The following EHBP1 variants were observed in gnomAD, a reference collection of about 807,000 sequenced individuals.
EHBP1 encodes the protein EH domain binding protein 1, also known as EH domain-binding protein 1.
A neutral mutation model predicts 144.0 loss-of-function variants in EHBP1; 55 were observed. The observed-to-expected ratio is 0.38, with a 90% CI of 0.31 to 0.48. The LOEUF is 0.48. EHBP1 is among the 20% of genes least tolerant of loss of function. The pLI, the probability that EHBP1 is intolerant of heterozygous loss-of-function variation, is 0.98. For synonymous variants in EHBP1, 469 were observed against 472.7 expected, an observed-to-expected ratio of 0.99 and a Z score of 0.10; for missense variants, 1,200 against 1,364.2, an observed-to-expected ratio of 0.88 and a Z score of 1.90.
At chr2:63,038,976 T>G (rs2061552890) in intron 21 of EHBP1, among the ~76,000 whole-genome samples, 160 bp downstream of exon 21, 1 of 152,182 alleles carries the variant, frequency 6.6e-6, no homozygotes, top group Non-Finnish European at 1.5e-5. Flanking sequence ...CCATATAAAC[T>G]TAAGGACCCT....
intron 2 of EHBP1, among the ~76,000 whole-genome samples, chr2:62,726,454 T>C (rs1021596929): frequency 3.3e-5 from 5 of 152,240 alleles, no homozygotes; most frequent in African/African-American, 1.2e-4. Context: ...TCCCTCTTTC[T>C]GCTCTCAGTA....
At chr2:62,722,384 A>G (rs1042316210) in intron 2 of EHBP1, among the ~76,000 whole-genome samples, 2 of 152,006 alleles carry the variant, frequency 1.3e-5, no homozygotes, top group African/African-American at 4.8e-5. Flanking sequence ...TGGCCTCCCA[A>G]AATGGTGGGA....
intron 10 of EHBP1, among the ~76,000 whole-genome samples, chr2:62,930,920 C>T (rs1041778852): frequency 6.6e-6 from 1 of 152,120 alleles, no homozygotes; most frequent in Non-Finnish European, 1.5e-5. Flanking sequence ...GACCATAAAT[C>T]TCTTAGAATA....
At chr2:62,918,072 T>A (rs1184048792) in intron 10 of EHBP1, among the ~76,000 whole-genome samples, 2 of 152,146 alleles carry the variant, frequency 1.3e-5, no homozygotes, top group Non-Finnish European at 2.9e-5. Flanking sequence ...AATTTTTCTA[T>A]TTTTAGTAGA....
At chr2:62,996,865 C>T (rs2059650165) in intron 19 of EHBP1, 99 bp downstream of exon 19, 3 of 1,512,024 alleles carry the variant, frequency 2.0e-6, no homozygotes, top group Admixed American at 4.7e-5. Context: ...CCTGAATGTT[C>T]AGCAAAACTG....
chr2:62,790,257 A>G (rs1258437434), intron 5 of EHBP1, among the ~76,000 whole-genome samples: 3 of 152,232 alleles, frequency 2.0e-5, no homozygotes, highest in Non-Finnish European at 4.4e-5. Flanking sequence ...ACGTCAAAAT[A>G]CAGTTCTGGG....
chr2:62,909,272 A>T (rs2054021226), intron 10 of EHBP1, among the ~76,000 whole-genome samples: 1 of 151,710 alleles, frequency 6.6e-6, no homozygotes, highest in Admixed American at 6.6e-5. Flanking sequence ...TCCACCTCCC[A>T]GGCTCTCAAG....
upstream of EHBP1, among the ~76,000 whole-genome samples, chr2:62,705,280 T>C (rs1166395429): frequency 4.6e-5 from 7 of 152,024 alleles, no homozygotes; most frequent in Non-Finnish European, 1.0e-4. Context: ...GCAGCTGCAC[T>C]GCCCACAGCT....
intron 10 of EHBP1, among the ~76,000 whole-genome samples, chr2:62,890,444 G>A (rs1017705797): frequency 1.3e-5 from 2 of 151,976 alleles, no homozygotes; most frequent in African/African-American, 4.8e-5. Flanking sequence ...CTCCTTGTAG[G>A]TATCTTTCAC....
intron 4 of EHBP1, among the ~76,000 whole-genome samples, chr2:62,767,796 C>G (rs2041308207): frequency 1.3e-5 from 2 of 149,322 alleles, no homozygotes; most frequent in South Asian, 2.1e-4. Context: ...AGATCATGCC[C>G]CTGCACTGCA....
At chr2:63,037,753 A>G in intron 20 of EHBP1, 119 bp downstream of exon 20, 2 of 572,912 alleles carry the variant, frequency 3.5e-6, no homozygotes, top group Non-Finnish European at 5.9e-6. Flanking sequence ...TAGCGATTAC[A>G]TGTTTTATAA....
At chr2:62,810,852 T>A (rs893917493) in intron 5 of EHBP1, among the ~76,000 whole-genome samples, 3 of 152,264 alleles carry the variant, frequency 2.0e-5, no homozygotes, top group African/African-American at 7.2e-5. Context: ...ACTAAACTTT[T>A]TGTTGCTTTC....
rs538451712 is a variant in EHBP1, at chr2:62,819,771, CA to C, written c.313-6303del. The stretch of plus-strand genomic sequence containing the variant: ...AGAGCGAGACTCCAGCTCAAAAAAA[CA>C]AAAAAAAAAAAACCCGCGACAACCC... On this transcript the variant is annotated intron_variant, in intron 5 of 22. Transcript: ENST00000431489. 7.9e-4 allele frequency among the ~76,000 whole-genome samples: 97 copies of C among 122,290 alleles called. 1 individual carries two copies. The highest frequency in any genetic ancestry group is 2.3e-3 in the African/African-American group (70 of 30,504). The allele number at this position is 122,290 out of a possible 152,430, so 80.2% of individuals were successfully genotyped here. A position where few individuals can be genotyped will look rare whatever the true frequency, so the allele number is the denominator to read the frequency against.
intron 5 of EHBP1, among the ~76,000 whole-genome samples, chr2:62,812,949 G>A (rs2045137204): frequency 6.6e-6 from 1 of 152,212 alleles, no homozygotes. Flanking sequence ...CACTTACTAA[G>A]GAGATTAGTA....
intron 5 of EHBP1, among the ~76,000 whole-genome samples, chr2:62,783,882 A>G (rs1573330810): frequency 6.6e-6 from 1 of 152,328 alleles, no homozygotes; most frequent in Middle Eastern, 3.4e-3. Context: ...TGCCCAGAAA[A>G]TGGGGTTTTC....
At chr2:62,925,739 T>A (rs1444389348) in intron 10 of EHBP1, among the ~76,000 whole-genome samples, 4 of 151,986 alleles carry the variant, frequency 2.6e-5, no homozygotes. Context: ...TGCAAAACAC[T>A]GATGAAAGAA....
intron 10 of EHBP1, among the ~76,000 whole-genome samples, chr2:62,894,971 C>T (rs2052778765): frequency 7.1e-6 from 1 of 140,532 alleles, no homozygotes; most frequent in Non-Finnish European, 1.5e-5. Context: ...TGCAGGCAAG[C>T]AGGCAGGCAG....
chr2:62,978,459 C>T (rs2058814885), intron 14 of EHBP1, among the ~76,000 whole-genome samples: 1 of 152,056 alleles, frequency 6.6e-6, no homozygotes, highest in African/African-American at 2.4e-5. Context: ...CTTTGGCCTC[C>T]CAAAGTGCTG....
chr2:63,042,433 T>C (rs1490578147), intron 21 of EHBP1, among the ~76,000 whole-genome samples: 1 of 152,102 alleles, frequency 6.6e-6, no homozygotes, highest in African/African-American at 2.4e-5. Flanking sequence ...ACATTGCTAT[T>C]TCCTGTACAG....
Sources: gnomAD v4.1 joint callset for allele counts (sites outside exome capture counted in the v4.1 genomes callset) on GRCh38, gnomAD v4.1.1 for gene constraint, MANE v1.5 for transcripts, NCBI Gene and HGNC (gene_info 2026-07-23, HGNC 2026-07-21) for gene names.